DYM: variants seen among roughly 807,000 people sequenced by gnomAD.
DYM encodes dyggve-Melchior-Clausen syndrome protein.
DYM carries 78 observed loss-of-function variants against 93.1 expected under a neutral mutation model. The observed-to-expected ratio is 0.84, with a 90% CI of 0.70 to 1.01. The LOEUF (loss-of-function observed/expected upper bound fraction) is 1.01, where lower values mean the gene tolerates loss of function less well. Ranked by LOEUF, DYM falls within the 50% of genes least tolerant of loss-of-function variation. The pLI, the probability that DYM is intolerant of heterozygous loss-of-function variation, is 0.00. For missense variants in DYM, 789 were observed against 845.0 expected (o/e 0.93, Z 0.82); for synonymous variants, 321 against 319.7 (o/e 1.00, Z -0.04).
At chr18:49,168,379 T>C (rs1288883781) in intron 14 of DYM, among the ~76,000 whole-genome samples, 1 of 152,210 alleles carries the variant, frequency 6.6e-6, no homozygotes, top group Non-Finnish European at 1.5e-5. Flanking sequence ...GAACATGCTA[T>C]CTTGAAGAAA....
chr18:49,182,671 T>C (rs1428016344), intron 14 of DYM, among the ~76,000 whole-genome samples: 2 of 152,164 alleles, frequency 1.3e-5, no homozygotes, highest in African/African-American at 4.8e-5. Context: ...CTATTGATTC[T>C]TTTTTTCCCC....
intron 15 of DYM, among the ~76,000 whole-genome samples, chr18:49,145,148 A>G (rs2084979168): frequency 7.9e-6 from 1 of 127,374 alleles, no homozygotes; most frequent in Non-Finnish European, 1.7e-5. Context: ...TTATATATAT[A>G]ATATACAAAT....
chr18:49,037,961 G>T lies in DYM; in HGVS notation c.*6094C>A, dbSNP rs1353916990. Among the ~76,000 whole-genome samples the T allele has an allele frequency of 6.6e-6, 1 of 152,078 alleles. No homozygotes were observed. Among genetic ancestry groups the T allele is most frequent in the Non-Finnish European group, 1.5e-5 (1 of 67,996 alleles). ...TGCCTCAGCTTCCCAAGTAGCTGGG[G>T]CTATAGGCACATGCCACCATGCCCA... On this transcript the variant is annotated 3_prime_UTR_variant, in exon 18 of 18. Transcript: ENST00000675505.
chr18:49,100,496 G>C lies in DYM; in HGVS notation c.1912-2981C>G, dbSNP rs116898380. Among the ~76,000 whole-genome samples, 424 of 152,188 alleles carry C rather than the reference G, an allele frequency of 2.8e-3. 1 individual carries two copies. The highest frequency in any genetic ancestry group is 4.4e-3 in the Non-Finnish European group (302 of 68,012). On this transcript the variant is annotated intron_variant, in intron 16 of 17. Coordinates refer to ENST00000675505, the MANE Select transcript of DYM (RefSeq NM_001353214.3). ...CAAGGAATTTCCATTTCCACTGGGA[G>C]AGCTGCAGAGGAGGCATGAAGCTGG...
chr18:49,311,615 A>T (rs536713276), intron 8 of DYM, among the ~76,000 whole-genome samples: 1 of 151,826 alleles, frequency 6.6e-6, no homozygotes, highest in African/African-American at 2.4e-5. Flanking sequence ...TTCTGAACAA[A>T]CCATCACAAG....
At chr18:49,433,656 C>G (rs1202109575) in intron 1 of DYM, among the ~76,000 whole-genome samples, 2 of 151,924 alleles carry the variant, frequency 1.3e-5, no homozygotes, top group Non-Finnish European at 2.9e-5. Context: ...TCACTTAAGG[C>G]CAGAAGTTCG....
At chr18:49,055,170 A>G (rs1420641312) in intron 17 of DYM, among the ~76,000 whole-genome samples, 1 of 152,070 alleles carries the variant, frequency 6.6e-6, no homozygotes, top group Non-Finnish European at 1.5e-5. Context: ...CTGGAACTGC[A>G]TGTGGAGGGA....
At chr18:49,056,582 G>C (rs1490318668) in intron 17 of DYM, among the ~76,000 whole-genome samples, 2 of 152,298 alleles carry the variant, frequency 1.3e-5, no homozygotes, top group East Asian at 3.9e-4. Context: ...CTGTTGGCCA[G>C]GCTGGAGTGC....
At chr18:49,126,726 T>C (rs2082870724) in intron 15 of DYM, among the ~76,000 whole-genome samples, 1 of 152,210 alleles carries the variant, frequency 6.6e-6, no homozygotes, top group African/African-American at 2.4e-5. Flanking sequence ...TAACACATGG[T>C]AAGCACTATG....
At chr18:49,200,768 T>G (rs969849945) in intron 14 of DYM, among the ~76,000 whole-genome samples, 1 of 152,158 alleles carries the variant, frequency 6.6e-6, no homozygotes, top group Non-Finnish European at 1.5e-5. Flanking sequence ...ATATTTATGA[T>G]GTAAATGATG....
chr18:49,247,351 T>A (rs535293154), intron 13 of DYM, among the ~76,000 whole-genome samples: 2 of 152,280 alleles, frequency 1.3e-5, no homozygotes, highest in Non-Finnish European at 2.9e-5. Context: ...TAACAAACTG[T>A]CCTTTGTCCT....
At chr18:49,268,099 T>C (rs986209614) in intron 11 of DYM, among the ~76,000 whole-genome samples, 2 of 152,172 alleles carry the variant, frequency 1.3e-5, no homozygotes, top group African/African-American at 2.4e-5. Context: ...AAGATATATA[T>C]GCACACAAAA....
intron 13 of DYM, among the ~76,000 whole-genome samples, chr18:49,210,776 G>A (rs1216712203): frequency 6.6e-6 from 1 of 152,128 alleles, no homozygotes; most frequent in African/African-American, 2.4e-5. Context: ...GGGGGAGGTT[G>A]GAGGCCAGGG....
At chr18:49,077,074 C>T (rs2077368984) in intron 17 of DYM, among the ~76,000 whole-genome samples, 1 of 152,094 alleles carries the variant, frequency 6.6e-6, no homozygotes, top group Admixed American at 6.6e-5. Flanking sequence ...TGAACTCTGG[C>T]ATTTGTTAGA....
At chr18:49,203,270 G>T in intron 14 of DYM, among the ~76,000 whole-genome samples, 1 of 54,994 alleles carries the variant, frequency 1.8e-5, no homozygotes, top group African/African-American at 4.9e-5. Context: ...CCCCGTCCAG[G>T]AGGTGAGGGG....
chr18:49,409,757 C>T (rs1405556470), intron 2 of DYM, among the ~76,000 whole-genome samples: 3 of 152,080 alleles, frequency 2.0e-5, no homozygotes, highest in African/African-American at 7.2e-5. Flanking sequence ...ATACCTAGTC[C>T]TGATAATTGT....
chr18:49,425,284 G>T (rs1015643157), intron 2 of DYM, among the ~76,000 whole-genome samples: 196 of 152,248 alleles, frequency 1.3e-3, no homozygotes, highest in Non-Finnish European at 2.5e-3. Flanking sequence ...ACAAAAACAA[G>T]CAATGGGGAA....
intron 2 of DYM, among the ~76,000 whole-genome samples, chr18:49,398,090 T>C (rs910727500): frequency 2.0e-5 from 3 of 152,200 alleles, no homozygotes; most frequent in Non-Finnish European, 4.4e-5. Context: ...TCAAATTATA[T>C]GCATATTTTA....
rs145748021 is a variant in DYM at position 49,373,482 on chromosome 18, G to A, written c.421+5085C>T. Among the ~76,000 whole-genome samples the A allele has an allele frequency of 9.5e-4, 144 of 152,264 alleles. 3 individuals carry two copies. In the East Asian group the frequency reaches 0.026, roughly 27 times the overall value. On this transcript the variant is annotated intron_variant, in intron 5 of 17. Transcript: ENST00000675505. Reference sequence around the variant, plus strand: ...GCGCTGGTGGGAGTGTAGCAGTAAGGATGACCAGAGGTCACTCTCGTGGCC... The same window carrying A: ...GCGCTGGTGGGAGTGTAGCAGTAAGAATGACCAGAGGTCACTCTCGTGGCC...
Sources: gnomAD v4.1 joint callset for allele counts (sites outside exome capture counted in the v4.1 genomes callset) on GRCh38, gnomAD v4.1.1 for gene constraint, MANE v1.5 for transcripts, NCBI Gene and HGNC (gene_info 2026-07-23, HGNC 2026-07-21) for gene names.